EGF: variants seen among roughly 807,000 people sequenced by gnomAD.
The protein encoded by EGF is epidermal growth factor.
A neutral mutation model predicts 143.8 loss-of-function variants in EGF; 95 were observed. The ratio of observed to expected loss-of-function variants is 0.66; its 90% confidence interval spans 0.56 to 0.78. The LOEUF (loss-of-function observed/expected upper bound fraction) is 0.78. Ranked by LOEUF, EGF falls within the 30% of genes least tolerant of loss-of-function variation. The probability of loss-of-function intolerance (pLI) is 0.00; values close to 1 mark genes in which losing one functional copy is unlikely to be tolerated. For synonymous variants in EGF, 510 were observed against 510.5 expected, an observed-to-expected ratio of 1.00 and a Z score of 0.01; for missense variants, 1,320 against 1,470.9, an observed-to-expected ratio of 0.90 and a Z score of 1.68.
At chr4:109,965,790 A>G (rs1031993280) in intron 10 of EGF, among the ~76,000 whole-genome samples, 16 of 152,142 alleles carry the variant, frequency 1.1e-4, no homozygotes, top group African/African-American at 2.9e-4. Flanking sequence ...TAACAATATT[A>G]TCAGGTGATT....
intron 2 of EGF, among the ~76,000 whole-genome samples, chr4:109,942,992 A>G (rs1204194474): frequency 6.6e-6 from 1 of 152,200 alleles, no homozygotes; most frequent in Admixed American, 6.5e-5. Context: ...TGGCTTCCTA[A>G]TTTAAATAGT....
At chr4:109,978,103 A>G (rs1748786701) in intron 13 of EGF, among the ~76,000 whole-genome samples, 2 of 152,196 alleles carry the variant, frequency 1.3e-5, no homozygotes, top group Non-Finnish European at 2.9e-5. Flanking sequence ...ATCTACTGGT[A>G]TATATGTGGT....
intron 5 of EGF, among the ~76,000 whole-genome samples, chr4:109,954,139 C>A (rs1744400256): frequency 6.6e-6 from 1 of 152,168 alleles, no homozygotes; most frequent in Non-Finnish European, 1.5e-5. Flanking sequence ...GCAACCTCCG[C>A]CTCCCAGGTT....
chr4:109,959,163 G>C (rs1560690965), intron 5 of EGF, 149 bp from the exon 6 acceptor site: 2 of 1,253,418 alleles, frequency 1.6e-6, no homozygotes, highest in East Asian at 5.1e-5. Flanking sequence ...GGATGCTGGG[G>C]AATCTGGGCT....
rs74379237 is a variant in EGF at position 109,988,579 on chromosome 4, C to G, written c.2609-5C>G. The G allele has an allele frequency of 6.2e-7, 1 of 1,613,868 alleles. No homozygotes were observed. The highest frequency in any genetic ancestry group is 8.5e-7 in the Non-Finnish European group (1 of 1,179,846). ...TATTGCACTAGTTCATAATTTTGCC[C>G]ACAGATATAGATGAATGTGAGATGG... is the stretch of plus-strand genomic sequence containing the variant. On this transcript the variant is annotated splice_region_variant and splice_polypyrimidine_tract_variant and intron_variant, in intron 17 of 23. Transcript: ENST00000265171.
chr4:109,919,445 C>T (rs1364072680), intron 1 of EGF, among the ~76,000 whole-genome samples: 2 of 151,880 alleles, frequency 1.3e-5, no homozygotes, highest in African/African-American at 4.8e-5. Context: ...TGGGGAGTGC[C>T]TTTACTTTGG....
rs1236782407 is a variant in EGF, at chr4:110,004,637, G to A, written c.3291+15G>A. On this transcript the variant is annotated intron_variant, in intron 22 of 23. Transcript: ENST00000265171. The stretch of plus-strand genomic sequence containing the variant: ...CTCAACCTTGGGTAATGTGACCAAA[G>A]CAGATGAAGCAAGGAATTGGCTTGA... The A allele has an allele frequency of 3.1e-6, 5 of 1,610,544 alleles. No homozygotes were observed. Among genetic ancestry groups the A allele is most frequent in the East Asian group, 2.2e-5 (1 of 44,872 alleles).
At chr4:109,983,751 A>AGAGTCTTTGGGTGT in intron 16 of EGF, among the ~76,000 whole-genome samples, 1 of 152,358 alleles carries the variant, frequency 6.6e-6, no homozygotes, top group African/African-American at 2.4e-5. Context: ...GGACACCTTG[A>AGAGTCTTTGGGTGT]GAGTCTTTGG....
intron 21 of EGF, 49 bp downstream of exon 21, chr4:109,999,895 CA>C: frequency 6.2e-7 from 1 of 1,609,680 alleles, no homozygotes; most frequent in Non-Finnish European, 8.5e-7. Flanking sequence ...TAAGACCTCC[CA>C]GGGGAATGCC....
chr4:109,988,497 ATATACGAT>A, intron 17 of EGF, 79 bp from the exon 18 acceptor site: 2 of 1,585,568 alleles, frequency 1.3e-6, no homozygotes, highest in South Asian at 1.1e-5. Flanking sequence ...TAAGAATTGA[ATATACGAT>A]TATGCTTATT....
intron 1 of EGF, among the ~76,000 whole-genome samples, chr4:109,932,692 TAATA>T (rs1348256667): frequency 1.3e-5 from 2 of 152,028 alleles, no homozygotes; most frequent in Non-Finnish European, 2.9e-5. Flanking sequence ...CAATATTTTT[TAATA>T]AATAAAATAT....
chr4:109,995,105 T>C (rs41505549), intron 20 of EGF, among the ~76,000 whole-genome samples: 95 of 152,320 alleles, frequency 6.2e-4, no homozygotes, highest in African/African-American at 2.2e-3. Flanking sequence ...TCTAAGGAGT[T>C]GGTGATTTCC....
chr4:109,994,031 G>GC (rs1751414303), intron 19 of EGF, among the ~76,000 whole-genome samples: 1 of 140,780 alleles, frequency 7.1e-6, no homozygotes, highest in Non-Finnish European at 1.6e-5. Flanking sequence ...CTTGGTCTCT[G>GC]TTTTTTTTTT....
chr4:109,928,956 G>T (rs552728108), intron 1 of EGF, among the ~76,000 whole-genome samples: 1 of 152,202 alleles, frequency 6.6e-6, no homozygotes, highest in South Asian at 2.1e-4. Context: ...GGGAGGCTTA[G>T]AATTTTATTT....
chr4:109,932,747 A>G (rs1226321859), intron 1 of EGF, among the ~76,000 whole-genome samples: 12 of 152,124 alleles, frequency 7.9e-5, no homozygotes. Context: ...TAGGAAATTA[A>G]CAATATATAT....
At chr4:109,925,718 A>T (rs1738525262) in intron 1 of EGF, among the ~76,000 whole-genome samples, 2 of 152,254 alleles carry the variant, frequency 1.3e-5, no homozygotes, top group Admixed American at 1.3e-4. Context: ...GCAACAGAAA[A>T]GAAATTTTCT....
chr4:109,938,914 C>T (rs1028674875), intron 1 of EGF, among the ~76,000 whole-genome samples: 2 of 152,154 alleles, frequency 1.3e-5, no homozygotes, highest in African/African-American at 4.8e-5. Context: ...GGGGCACTTG[C>T]CTGTATGAGG....
At chr4:109,987,956 T>A in intron 17 of EGF, 96 bp downstream of exon 17, 2 of 973,570 alleles carry the variant, frequency 2.1e-6, no homozygotes, top group East Asian at 2.4e-5. Context: ...AGGATTTATG[T>A]AATCAGCAGA....
rs1163875030 is a variant in EGF, at chr4:109,945,041, T to C, written c.738-32T>C. The stretch of plus-strand genomic sequence containing the variant: ...AATAAGACAAGGAACAAATGTTCTG[T>C]TGTTCTTTTTTCTTTTGTGGTTGCT... On this transcript the variant is annotated intron_variant, in intron 4 of 23. Transcript: ENST00000265171. 1.1e-5 allele frequency: 17 copies of C among 1,605,968 alleles called. No individual in the cohort carries two copies. The Admixed American group carries it at 2.3e-4, about 22-fold the overall frequency.
Sources: gnomAD v4.1 joint callset for allele counts (sites outside exome capture counted in the v4.1 genomes callset) on GRCh38, gnomAD v4.1.1 for gene constraint, MANE v1.5 for transcripts, NCBI Gene and HGNC (gene_info 2026-07-23, HGNC 2026-07-21) for gene names.